The following PTPRO variants were observed in gnomAD, a reference collection of about 807,000 sequenced individuals.
The protein encoded by PTPRO is receptor-type tyrosine-protein phosphatase O.
PTPRO carries 62 observed loss-of-function variants against 145.2 expected under a neutral mutation model. The ratio of observed to expected loss-of-function variants is 0.43; its 90% CI spans 0.35 to 0.53. The LOEUF is 0.53. Ranked by LOEUF, PTPRO falls within the 20% of genes least tolerant of loss-of-function variation. PTPRO has a pLI of 0.01. For missense variants in PTPRO, 1,345 were observed against 1,482.7 expected, an observed-to-expected ratio of 0.91 and a Z score of 1.53; for synonymous variants, 565 against 514.7, an observed-to-expected ratio of 1.10 and a Z score of -1.32.
At chr12:15,324,186 T>A (rs1252768905) in intron 1 of PTPRO, among the ~76,000 whole-genome samples, 2 of 152,184 alleles carry the variant, frequency 1.3e-5, no homozygotes, top group African/African-American at 2.4e-5. Context: ...ACAACTATTT[T>A]ACCTATGCAA....
At chr12:15,463,591 A>G (rs1414532276) in intron 1 of PTPRO, among the ~76,000 whole-genome samples, 1 of 152,184 alleles carries the variant, frequency 6.6e-6, no homozygotes, top group East Asian at 1.9e-4. Flanking sequence ...AAGATGCAAA[A>G]TATCAGTCTT....
chr12:15,359,143 G>A (rs191855101), intron 1 of PTPRO, among the ~76,000 whole-genome samples: 1 of 152,140 alleles, frequency 6.6e-6, no homozygotes, highest in Non-Finnish European at 1.5e-5. Flanking sequence ...TTTTCCAGAT[G>A]ATCAGACCTG....
At chr12:15,420,937 C>T (rs1164785794) in intron 1 of PTPRO, among the ~76,000 whole-genome samples, 1 of 152,154 alleles carries the variant, frequency 6.6e-6, no homozygotes, top group Non-Finnish European at 1.5e-5. Flanking sequence ...AACTGTGCTG[C>T]TGCTGATGAT....
chr12:15,425,409 G>A (rs1238675187), intron 1 of PTPRO, among the ~76,000 whole-genome samples: 2 of 152,156 alleles, frequency 1.3e-5, no homozygotes, highest in East Asian at 1.9e-4. Flanking sequence ...TACTGTGGTA[G>A]GTGTGAGGCC....
chr12:15,431,546 G>A (rs1489912520), intron 1 of PTPRO, among the ~76,000 whole-genome samples: 2 of 152,156 alleles, frequency 1.3e-5, no homozygotes, highest in East Asian at 3.9e-4. Flanking sequence ...GACAGATCTT[G>A]TTATTTTAAA....
intron 23 of PTPRO, among the ~76,000 whole-genome samples, chr12:15,585,918 A>G (rs963785058): frequency 2.0e-5 from 3 of 152,224 alleles, no homozygotes; most frequent in African/African-American, 7.2e-5. Context: ...ACAACAATAT[A>G]TTTGATGTAT....
At chr12:15,454,434 G>A (rs116585746) in intron 1 of PTPRO, among the ~76,000 whole-genome samples, 2,350 of 152,242 alleles carry the variant, frequency 0.015, 51 homozygotes, top group African/African-American at 0.052. Flanking sequence ...TGCTAATTAA[G>A]TTGAAAGAGT....
rs139771286 is a variant in PTPRO, at chr12:15,468,583, C to T, written c.76-15391C>T. On this transcript the variant is annotated intron_variant, in intron 1 of 26. Coordinates refer to ENST00000281171, the MANE Select transcript of PTPRO (RefSeq NM_030667.3). Reference sequence around the variant, plus strand: ...AGCACTTACTCTAGGCTGCAGCCACCTGCTAGGAGCTCCTTGATCATCAAA... The same window carrying T: ...AGCACTTACTCTAGGCTGCAGCCACTTGCTAGGAGCTCCTTGATCATCAAA... Among the ~76,000 whole-genome samples, 3 of 152,308 alleles carry T rather than the reference C, an allele frequency of 2.0e-5. No homozygotes were observed. In the East Asian group the frequency reaches 5.8e-4, roughly 29 times the overall value.
chr12:15,365,709 T>C (rs565176690), intron 1 of PTPRO, among the ~76,000 whole-genome samples: 1 of 152,300 alleles, frequency 6.6e-6, no homozygotes, highest in Admixed American at 6.5e-5. Flanking sequence ...TTCTTCATTC[T>C]GTCTACAAGG....
intron 1 of PTPRO, among the ~76,000 whole-genome samples, chr12:15,477,354 G>A (rs112243823): frequency 0.021 from 2,552 of 119,304 alleles, 123 homozygotes; most frequent in African/African-American, 0.079. Flanking sequence ...ACTGTGGTGG[G>A]GAGGGGGGAG....
At chr12:15,540,535 A>G (rs1304000429) in intron 12 of PTPRO, among the ~76,000 whole-genome samples, 1 of 152,222 alleles carries the variant, frequency 6.6e-6, no homozygotes, top group Non-Finnish European at 1.5e-5. Context: ...GGCCTCATAA[A>G]CATCATTCTC....
chr12:15,480,920 C>A (rs1294365685), intron 1 of PTPRO, among the ~76,000 whole-genome samples: 1 of 152,140 alleles, frequency 6.6e-6, no homozygotes, highest in Non-Finnish European at 1.5e-5. Context: ...AGTCTTTAGT[C>A]AGTTGTTTAT....
At chr12:15,415,339 C>A (rs1565616080) in intron 1 of PTPRO, among the ~76,000 whole-genome samples, 1 of 152,152 alleles carries the variant, frequency 6.6e-6, no homozygotes, top group Non-Finnish European at 1.5e-5. Flanking sequence ...AATTGTTCCT[C>A]TCTCCACTTT....
At chr12:15,407,144 T>G (rs1403442712) in intron 1 of PTPRO, among the ~76,000 whole-genome samples, 2 of 152,208 alleles carry the variant, frequency 1.3e-5, no homozygotes, top group African/African-American at 2.4e-5. Context: ...TCTGGACCCC[T>G]CGTTGTTTAC....
At chr12:15,371,215 A>C (rs1438712029) in intron 1 of PTPRO, among the ~76,000 whole-genome samples, 1 of 152,016 alleles carries the variant, frequency 6.6e-6, no homozygotes, top group Non-Finnish European at 1.5e-5. Flanking sequence ...TGTTAAATAA[A>C]GAACATAACC....
At chr12:15,362,295 T>C (rs1938233869) in intron 1 of PTPRO, among the ~76,000 whole-genome samples, 1 of 152,186 alleles carries the variant, frequency 6.6e-6, no homozygotes, top group Admixed American at 6.5e-5. Context: ...AGTGTAACTC[T>C]GGTTGGAAAA....
At chr12:15,370,833 C>A (rs1938504945) in intron 1 of PTPRO, among the ~76,000 whole-genome samples, 2 of 151,884 alleles carry the variant, frequency 1.3e-5, no homozygotes, top group African/African-American at 4.8e-5. Flanking sequence ...TGCAATTGTA[C>A]CTATGAAAAA....
rs1942858159 is a variant in PTPRO at position 15,527,196 on chromosome 12, G to A, written c.2164+934G>A. 4.6e-5 allele frequency among the ~76,000 whole-genome samples: 7 copies of A among 152,158 alleles called. No individual in the cohort carries two copies. In the South Asian group the frequency reaches 1.4e-3, roughly 32 times the overall value. ...ATACGAGGATGCGACCGATTCCAGAGCCATAGAGAAGTGAAAATACTCTGG... is the reference window on the plus strand; with the variant it reads ...ATACGAGGATGCGACCGATTCCAGAACCATAGAGAAGTGAAAATACTCTGG... On this transcript the variant is annotated intron_variant, in intron 12 of 26. Coordinates refer to ENST00000281171, the MANE Select transcript of PTPRO (RefSeq NM_030667.3).
rs12426598 is a variant in PTPRO, at chr12:15,517,246, A to C, written c.1779+290A>C. Among the ~76,000 whole-genome samples the C allele has an allele frequency of 0.41, 62,324 of 151,562 alleles. 13,095 individuals are homozygous for C. The highest frequency in any genetic ancestry group is 0.47 in the African/African-American group (19,497 of 41,328). ...TATACAGATGGCAGCAAGCAAAGAGAGCTTGTGTAGGAAAACTCCCTCTTA... is the reference window on the plus strand; with the variant it reads ...TATACAGATGGCAGCAAGCAAAGAGCGCTTGTGTAGGAAAACTCCCTCTTA... On this transcript the variant is annotated intron_variant, in intron 9 of 26. Coordinates refer to ENST00000281171, the MANE Select transcript of PTPRO (RefSeq NM_030667.3).
Sources: gnomAD v4.1 joint callset for allele counts (sites outside exome capture counted in the v4.1 genomes callset) on GRCh38, gnomAD v4.1.1 for gene constraint, MANE v1.5 for transcripts, NCBI Gene and HGNC (gene_info 2026-07-23, HGNC 2026-07-21) for gene names.